Variants in TSPOAP1 observed in about 807,000 individuals in gnomAD.
The protein encoded by TSPOAP1 is peripheral-type benzodiazepine receptor-associated protein 1.
Under a neutral mutation model 197.0 loss-of-function variants are expected in TSPOAP1, and 87 were observed. The ratio of observed to expected loss-of-function variants is 0.44; its 90% confidence interval spans 0.37 to 0.53. TSPOAP1 has a LOEUF of 0.53. Among genes scored for constraint, TSPOAP1 ranks in the 20% least tolerant of loss-of-function variants. The pLI, the probability that TSPOAP1 is intolerant of heterozygous loss-of-function variation, is 0.00. For synonymous variants in TSPOAP1, 913 were observed against 998.9 expected (o/e 0.91, Z 1.62); for missense variants, 2,174 against 2,411.3 (o/e 0.90, Z 2.06).
intron 26 of TSPOAP1, among the ~76,000 whole-genome samples, chr17:58,306,134 C>T (rs1246258507): frequency 6.6e-6 from 1 of 152,212 alleles, no homozygotes; most frequent in Non-Finnish European, 1.5e-5. Flanking sequence ...AACAAAGCCC[C>T]CCATGGGGGG....
Position 58,325,582 on chromosome 17 carries a change from C to T in TSPOAP1, c.702G>A (p.Leu234=), listed in dbSNP as rs2143150863. The change falls in exon 4 of 32, where the codon TTG becomes TTA. Residue 234 remains leucine, a synonymous_variant. Transcript: ENST00000343736. ...LLAKDKQIAA[L]QRECRELQAR... ...CCTGCAGCTCCCTGCACTCCCGCTG[C>T]AAGGCAGCAATCTGCTTGTCCTTGG... The T allele has an allele frequency of 3.7e-6, 6 of 1,613,344 alleles. No individual in the cohort carries two copies. In the African/African-American group the frequency reaches 4.0e-5, roughly 11 times the overall value.
intron 18 of TSPOAP1, 169 bp from the exon 19 acceptor site, chr17:58,311,382 G>C: frequency 6.4e-6 from 8 of 1,243,370 alleles, no homozygotes; most frequent in Non-Finnish European, 7.7e-6. Context: ...CTGGCCATAT[G>C]GCTTCAGTGA....
intron 22 of TSPOAP1, 75 bp from the exon 23 acceptor site, chr17:58,308,016 C>T (rs1970956269): frequency 2.2e-5 from 31 of 1,401,564 alleles, no homozygotes; most frequent in Middle Eastern, 3.6e-4. Context: ...CCAGCTCTGC[C>T]CCATCAGCGT....
In TSPOAP1 at chr17:58,324,488, C is replaced by T. The variant is rs1048396095; in HGVS notation, c.942+323G>A. ...GGAGGAGGCGGCGCGGGCTGGGCCC[C>T]GGGCGGCTGCCAGGACAACCAGGGA... On this transcript the variant is annotated intron_variant, in intron 5 of 31. Coordinates refer to ENST00000343736, the MANE Select transcript of TSPOAP1 (RefSeq NM_004758.4). This position sits in a 1 kb window ranked among gnomAD's most constrained non-coding sequence, Gnocchi z 5.8. 6.6e-6 allele frequency among the ~76,000 whole-genome samples: 1 copy of T among 151,828 alleles called. No homozygotes were observed. The highest frequency in any genetic ancestry group is 1.5e-5 in the Non-Finnish European group (1 of 67,904).
At position 58,325,542 on chromosome 17, in the gene TSPOAP1, C is replaced by A; in HGVS notation, c.742G>T (p.Val248Leu). 1.9e-6 allele frequency: 3 copies of A among 1,612,360 alleles called. No homozygotes were observed. Among genetic ancestry groups the A allele is most frequent in the Non-Finnish European group, 2.5e-6 (3 of 1,180,008 alleles). ...CCAGGGCCTCCTCGCACCTTGCCCA[C>A]CAGAGTGAGCCTGGCCTGCAGCTCC... is the stretch of plus-strand genomic sequence containing the variant. ...CRELQARLTL[V>L]GKEGPQWLHV... Residue 248 changes from valine (V) to leucine (L), a missense_variant, in exon 4 of 32, where the codon GTG (valine) becomes TTG (leucine). Val to Leu is a conservative substitution (Grantham distance 32). Around this residue, in one of 5 missense-constraint regions of TSPOAP1, gnomAD observed 1,933 missense variants for 2,139.0 expected, o/e 0.90. Coordinates refer to ENST00000343736, the MANE Select transcript of TSPOAP1 (RefSeq NM_004758.4).
chr17:58,308,199 G>T (rs758320427), intron 22 of TSPOAP1, among the ~76,000 whole-genome samples: 1 of 152,212 alleles, frequency 6.6e-6, no homozygotes, highest in Non-Finnish European at 1.5e-5. Flanking sequence ...AGGAGCCCGC[G>T]AGAGGAGGGC....
rs772155652 is a variant in TSPOAP1 at position 58,304,992 on chromosome 17, C to T, written c.5544+69G>A. The stretch of plus-strand genomic sequence containing the variant: ...CAGCTGCACCCCTGCCGCAACACTG[C>T]CCTGGCCCTACCACCCCACCAGTAG... On this transcript the variant is annotated intron_variant, in intron 30 of 31. Transcript: ENST00000343736. This position sits in a 1 kb window ranked among gnomAD's most constrained non-coding sequence, Gnocchi z 4.2. 2 of 1,218,430 alleles carry T rather than the reference C, an allele frequency of 1.6e-6. No individual in the cohort carries two copies. Among genetic ancestry groups the T allele is most frequent in the Non-Finnish European group, 2.4e-6 (2 of 819,022 alleles). 75.5% of individuals were successfully genotyped at this position (1,218,430 alleles called of 1,614,324 possible).
At chr17:58,320,222 G>A in intron 11 of TSPOAP1, 93 bp from the exon 12 acceptor site, 1 of 1,460,954 alleles carries the variant, frequency 6.8e-7, no homozygotes, top group Non-Finnish European at 9.5e-7. Flanking sequence ...GGCCTAAGTG[G>A]ATATCATCCA....
chr17:58,307,503 G>A (rs1203671525), intron 24 of TSPOAP1, 108 bp downstream of exon 24: 5 of 1,410,010 alleles, frequency 3.5e-6, no homozygotes, highest in Non-Finnish European at 4.8e-6. Context: ...TGCTCTAGAA[G>A]CCATGTTCTC....
chr17:58,305,728 C>T, intron 27 of TSPOAP1, 85 bp from the exon 28 acceptor site: 1 of 1,490,304 alleles, frequency 6.7e-7, no homozygotes, highest in Non-Finnish European at 9.2e-7. Flanking sequence ...CCTGCTGACC[C>T]CCTGTCACCA....
Position 58,327,722 on chromosome 17 carries a change from CG to C in TSPOAP1, c.198del (p.Asp66GlufsTer45). 6.2e-7 allele frequency: 1 copy of C among 1,614,154 alleles called. No individual in the cohort carries two copies. The highest frequency in any genetic ancestry group is 8.5e-7 in the Non-Finnish European group (1 of 1,180,036). On this transcript the variant is annotated frameshift_variant, in exon 1 of 32. Transcript: ENST00000343736. LOFTEE classifies it high-confidence loss of function. ...GTTCCCCCCACGGGCCTGGAGCTCCCGTCTCCTTTGGGCTTGGAACTCTCCT... is the reference window on the plus strand; with the variant it reads ...GTTCCCCCCACGGGCCTGGAGCTCCCTCTCCTTTGGGCTTGGAACTCTCCT... ...RSEESSKPKG[D>X]GSSRPVGGTD...
intron 12 of TSPOAP1, among the ~76,000 whole-genome samples, chr17:58,319,715 C>T (rs1388023244): frequency 3.3e-5 from 5 of 152,224 alleles, no homozygotes; most frequent in Admixed American, 6.5e-5. Flanking sequence ...CTGAGAGAGG[C>T]GGGCAGGAAA....
In TSPOAP1 at chr17:58,318,406, A is replaced by C. The variant is rs765560395; in HGVS notation, c.1746T>G (p.Ser582=). The change falls in exon 14 of 32, where the codon TCT becomes TCG. Residue 582 remains serine, a synonymous_variant. Transcript: ENST00000343736. ...TGAGAGTGGCAGGGGCAGGCTCGGAAGACTTTGGGGTGCAGCGCCCAGGGG... is the reference window on the plus strand; with the variant it reads ...TGAGAGTGGCAGGGGCAGGCTCGGACGACTTTGGGGTGCAGCGCCCAGGGG... The part of the protein sequence containing the change: ...PGSPGRCTPK[S]SEPAPATLTG... The C allele has an allele frequency of 3.1e-6, 5 of 1,613,972 alleles. No individual in the cohort carries two copies. The South Asian group carries it at 5.5e-5, about 18-fold the overall frequency.
rs1971069607 is a variant in TSPOAP1, at chr17:58,311,227, G to A, written c.3082-14C>T. 9 of 1,608,908 alleles carry A rather than the reference G, an allele frequency of 5.6e-6. No individual in the cohort carries two copies. In the Admixed American group the frequency reaches 1.2e-4, roughly 21 times the overall value. On this transcript the variant is annotated splice_polypyrimidine_tract_variant and intron_variant, in intron 18 of 31. Transcript: ENST00000343736. ...CACCTCCATGATCTGCAGGGTGGAGGGGGCACAGGATGGGAAGCAGAGGCT... is the reference window on the plus strand; with the variant it reads ...CACCTCCATGATCTGCAGGGTGGAGAGGGCACAGGATGGGAAGCAGAGGCT...
chr17:58,311,268 G>T, intron 18 of TSPOAP1, 55 bp from the exon 19 acceptor site: 2 of 1,590,186 alleles, frequency 1.3e-6, no homozygotes, highest in Admixed American at 1.8e-5. Context: ...AGCCAAGCGT[G>T]AGGATGCACT....
chr17:58,325,106 C>G, intron 4 of TSPOAP1, 104 bp from the exon 5 acceptor site: 1 of 1,045,664 alleles, frequency 9.6e-7, no homozygotes, highest in Non-Finnish European at 1.4e-6. Flanking sequence ...GGCTCCGATG[C>G]GCGAGACTGT....
At chr17:58,313,960 A>C (rs1198430440) in intron 16 of TSPOAP1, among the ~76,000 whole-genome samples, 1 of 152,186 alleles carries the variant, frequency 6.6e-6, no homozygotes, top group African/African-American at 2.4e-5. Context: ...TGTTTGATTG[A>C]GGGATGTCAA....
At chr17:58,311,494 G>T in intron 18 of TSPOAP1, 77 bp downstream of exon 18, 3 of 1,507,800 alleles carry the variant, frequency 2.0e-6, no homozygotes, top group Non-Finnish European at 8.9e-7. Flanking sequence ...TCCGTGCCAA[G>T]CCAGAGAGCC....
chr17:58,309,413 A>G lies in TSPOAP1; in HGVS notation c.3892-33T>C. 6.4e-7 allele frequency: 1 copy of G among 1,571,774 alleles called. No homozygotes were observed. Among genetic ancestry groups the G allele is most frequent in the African/African-American group, 1.3e-5 (1 of 74,250 alleles). ...AGGTGGGGAGGTGGGAGTAGAACAC[A>G]GCAGGGAAGAGAGATGCGTGGGGAA... On this transcript the variant is annotated intron_variant, in intron 21 of 31. Coordinates refer to ENST00000343736, the MANE Select transcript of TSPOAP1 (RefSeq NM_004758.4). The surrounding 1 kb of genome is among the most constrained non-coding windows in gnomAD (Gnocchi z 5.0).
Sources: gnomAD v4.1 joint callset for allele counts (sites outside exome capture counted in the v4.1 genomes callset) on GRCh38, gnomAD v4.1.1 for gene constraint, gnomAD v4.1.1 regional missense constraint, Gnocchi (gnomAD v3.1) non-coding constraint, MANE v1.5 for transcripts, NCBI Gene and HGNC (gene_info 2026-07-23, HGNC 2026-07-21) for gene names.